Variants in KDM2B observed in about 807,000 individuals in gnomAD.
The protein encoded by KDM2B is lysine demethylase 2B, also known as lysine-specific demethylase 2B.
Under a neutral mutation model 150.0 loss-of-function variants are expected in KDM2B, and 26 were observed. The observed-to-expected ratio is 0.17, with a 90% confidence interval of 0.13 to 0.24. The LOEUF is 0.24. Ranked by LOEUF, KDM2B falls within the 10% of genes least tolerant of loss-of-function variation. KDM2B has a pLI of 1.00. For missense variants in KDM2B, 1,265 were observed against 1,816.9 expected (o/e 0.70, Z 5.52); for synonymous variants, 734 against 729.5 (o/e 1.01, Z -0.10).
chr12:121,453,367 G>C lies in KDM2B; in HGVS notation c.1735-23C>G, dbSNP rs190437473. 132 of 1,529,016 alleles carry C rather than the reference G, an allele frequency of 8.6e-5. No homozygotes were observed. The Middle Eastern group carries it at 1.7e-3, about 20-fold the overall frequency. The allele number at this position is 1,529,016 out of a possible 1,614,324, so 94.7% of individuals were successfully genotyped here. A position where few individuals can be genotyped will look rare whatever the true frequency, so the allele number is the denominator to read the frequency against. ...GTTCTGCAGGGGAACAGACACGACT[G>C]GTCAGATGGGGAGACTGCAGGCACG... On this transcript the variant is annotated intron_variant, in intron 12 of 22. Coordinates refer to ENST00000377071, the MANE Select transcript of KDM2B (RefSeq NM_032590.5). The surrounding 1 kb of genome is among the most constrained non-coding windows in gnomAD (Gnocchi z 6.4).
At chr12:121,480,891 A>G (rs1392619149) in intron 12 of KDM2B, among the ~76,000 whole-genome samples, 2 of 151,798 alleles carry the variant, frequency 1.3e-5, no homozygotes, top group African/African-American at 4.8e-5. Flanking sequence ...AAATGACAAG[A>G]AAAAAAATGC....
At chr12:121,488,525 G>C (rs1883015844) in intron 12 of KDM2B, among the ~76,000 whole-genome samples, 2 of 152,180 alleles carry the variant, frequency 1.3e-5, no homozygotes, top group South Asian at 4.1e-4. Context: ...AGTGGTGAAG[G>C]AAGGAGTCCA....
At chr12:121,487,516 A>C (rs1308422547) in intron 12 of KDM2B, among the ~76,000 whole-genome samples, 1 of 152,034 alleles carries the variant, frequency 6.6e-6, no homozygotes, top group Non-Finnish European at 1.5e-5. Context: ...TGCGGCTTCC[A>C]TCGCAGCCTC....
At chr12:121,534,438 G>T in intron 7 of KDM2B, 59 bp downstream of exon 7, 1 of 1,236,424 alleles carries the variant, frequency 8.1e-7, no homozygotes, top group Non-Finnish European at 1.2e-6. Flanking sequence ...AGGTAAGTGA[G>T]CCCCTCCCCA....
Position 121,440,080 on chromosome 12 carries a change from T to C in KDM2B, c.3611-5A>G. The C allele has an allele frequency of 6.3e-7, 1 of 1,592,898 alleles. No individual in the cohort carries two copies. The highest frequency in any genetic ancestry group is 1.1e-5 in the South Asian group (1 of 88,720). On this transcript the variant is annotated splice_region_variant and splice_polypyrimidine_tract_variant and intron_variant, in intron 21 of 22. Coordinates refer to ENST00000377071, the MANE Select transcript of KDM2B (RefSeq NM_032590.5). ...TGCTCCGATTGTCCATCTGACCTGG[T>C]GGGGCAGGAAGGAGGGGGCAACCCG... is the stretch of plus-strand genomic sequence containing the variant.
At chr12:121,438,322 G>T (rs1555287289) in intron 22 of KDM2B, among the ~76,000 whole-genome samples, 1 of 151,902 alleles carries the variant, frequency 6.6e-6, no homozygotes, top group African/African-American at 2.4e-5. Flanking sequence ...AATTTATCAT[G>T]CTGGAAAAAC....
chr12:121,511,160 C>A (rs1555303919), intron 10 of KDM2B, among the ~76,000 whole-genome samples: 2 of 149,126 alleles, frequency 1.3e-5, no homozygotes, highest in South Asian at 2.1e-4. Context: ...ACAGGTGAAC[C>A]ACCACACCCA....
intron 6 of KDM2B, among the ~76,000 whole-genome samples, chr12:121,535,279 T>A (rs1404593857): frequency 2.7e-5 from 4 of 148,908 alleles, no homozygotes; most frequent in Non-Finnish European, 5.9e-5. Flanking sequence ...AAGTAAGCAA[T>A]GCAGCTAGAA....
chr12:121,497,314 T>G (rs1884071434), intron 11 of KDM2B, among the ~76,000 whole-genome samples: 1 of 152,152 alleles, frequency 6.6e-6, no homozygotes, highest in Admixed American at 6.6e-5. Flanking sequence ...GTTTGTTTGT[T>G]TGTTTTTTGA....
intron 12 of KDM2B, among the ~76,000 whole-genome samples, chr12:121,455,976 C>T (rs1593807628): frequency 6.6e-6 from 1 of 152,210 alleles, no homozygotes; most frequent in African/African-American, 2.4e-5. Context: ...CGCTAAGGAC[C>T]GAGATGACGG....
At chr12:121,539,419 C>T (rs180690461) in intron 6 of KDM2B, among the ~76,000 whole-genome samples, 13 of 150,200 alleles carry the variant, frequency 8.7e-5, no homozygotes, top group Non-Finnish European at 3.0e-5. Flanking sequence ...CCGGACCAGG[C>T]TATCCACATA....
intron 6 of KDM2B, chr12:121,536,045 T>C: frequency 1.0e-6 from 1 of 985,804 alleles, no homozygotes; most frequent in South Asian, 4.7e-5. Context: ...CACTTTGCCT[T>C]TCCATGGTTT....
At chr12:121,465,833 T>C (rs1201400669) in intron 12 of KDM2B, among the ~76,000 whole-genome samples, 1 of 152,030 alleles carries the variant, frequency 6.6e-6, no homozygotes, top group Non-Finnish European at 1.5e-5. Flanking sequence ...CAAACTGAAA[T>C]GAAAATGTTC....
chr12:121,431,502 C>A (rs1555285519), intron 22 of KDM2B, among the ~76,000 whole-genome samples: 1 of 151,946 alleles, frequency 6.6e-6, no homozygotes, highest in Non-Finnish European at 1.5e-5. Context: ...TCAACACTTT[C>A]ATTTCTTTAT....
intron 11 of KDM2B, 55 bp downstream of exon 11, chr12:121,509,512 C>A (rs1403428656): frequency 6.3e-7 from 1 of 1,584,736 alleles, no homozygotes; most frequent in South Asian, 1.2e-5. Context: ...TCACACTGAA[C>A]GGGACCTGCC....
intron 22 of KDM2B, among the ~76,000 whole-genome samples, chr12:121,437,980 G>A (rs1357370974): frequency 6.6e-6 from 1 of 151,942 alleles, no homozygotes; most frequent in East Asian, 1.9e-4. Flanking sequence ...CAGGCCAGGC[G>A]TGGTGGCACA....
chr12:121,476,458 C>A (rs965802833), intron 12 of KDM2B, among the ~76,000 whole-genome samples: 1 of 151,542 alleles, frequency 6.6e-6, no homozygotes, highest in Non-Finnish European at 1.5e-5. Flanking sequence ...AAGCGGCATC[C>A]AACAGGTAGT....
intron 13 of KDM2B, among the ~76,000 whole-genome samples, chr12:121,450,304 ACT>A (rs1168083821): frequency 6.6e-6 from 1 of 150,620 alleles, no homozygotes; most frequent in East Asian, 1.9e-4. Flanking sequence ...AAAGAATGAG[ACT>A]CTGTCTCAAA....
chr12:121,574,874 C>G (rs1891397859), intron 3 of KDM2B, among the ~76,000 whole-genome samples: 1 of 152,190 alleles, frequency 6.6e-6, no homozygotes, highest in African/African-American at 2.4e-5. Context: ...TCCAGGGAAG[C>G]TGGAAGTGTG....
Sources: gnomAD v4.1 joint callset for allele counts (sites outside exome capture counted in the v4.1 genomes callset) on GRCh38, gnomAD v4.1.1 for gene constraint, Gnocchi (gnomAD v3.1) non-coding constraint, MANE v1.5 for transcripts, NCBI Gene and HGNC (gene_info 2026-07-23, HGNC 2026-07-21) for gene names.